NT5E: variants seen among roughly 807,000 people sequenced by gnomAD.
NT5E encodes 5'-nucleotidase ecto.
NT5E carries 53 observed loss-of-function variants against 55.1 expected under a neutral mutation model. The ratio of observed to expected loss-of-function variants is 0.96; its 90% confidence interval spans 0.77 to 1.21. The LOEUF (loss-of-function observed/expected upper bound fraction) is 1.21, where lower values mean the gene tolerates loss of function less well. Among genes scored for constraint, NT5E ranks in the 50% most tolerant of loss-of-function variants. The pLI is 0.00. For missense variants in NT5E, 683 were observed against 724.3 expected (o/e 0.94, Z 0.65); for synonymous variants, 270 against 278.4 (o/e 0.97, Z 0.30).
At chr6:85,454,937 T>C (rs143801909) in intron 1 of NT5E, among the ~76,000 whole-genome samples, 279 of 152,288 alleles carry the variant, frequency 1.8e-3, no homozygotes, top group African/African-American at 6.4e-3. Context: ...GTGAAATGTT[T>C]TGATTCAGTG....
chr6:85,493,907 A>T lies in NT5E; in HGVS notation c.1628A>T (p.Glu543Val). The T allele has an allele frequency of 2.5e-6, 4 of 1,614,086 alleles. No individual in the cohort carries two copies. The highest frequency in any genetic ancestry group is 3.4e-6 in the Non-Finnish European group (4 of 1,179,958). ...ATGAAAGTAATTTATCCAGCAGTTG[A>T]AGGTCGGATCAAGTTTTCCACAGGA... ...SKMKVIYPAV[E>V]GRIKFSTGSH... Residue 543 changes from glutamate to valine, a missense_variant, in exon 9 of 9, where the codon GAA becomes GTA. Physicochemically the swap from Glu to Val is moderately radical, Grantham distance 121. Transcript: ENST00000257770.
At position 85,495,333 on chromosome 6, in the gene NT5E, A is replaced by T. The variant is rs1769868411; in HGVS notation, c.*1329A>T. The T allele has an allele frequency of 6.6e-6, 1 of 152,250 alleles. No individual in the cohort carries two copies. The highest frequency in any genetic ancestry group is 2.4e-5 in the African/African-American group (1 of 41,462). The allele number at this position is 152,250 out of a possible 1,614,324, so 9.4% of individuals were successfully genotyped here. A position where few individuals can be genotyped will look rare whatever the true frequency, so the allele number is the denominator to read the frequency against. On this transcript the variant is annotated 3_prime_UTR_variant, in exon 9 of 9. Coordinates refer to ENST00000257770, the MANE Select transcript of NT5E (RefSeq NM_002526.4). Reference sequence around the variant, plus strand: ...AAATACTTAACGTGGGAGTGGAACCACATGAGCCTGCTCAGCTCTGCATAA... The same window carrying T: ...AAATACTTAACGTGGGAGTGGAACCTCATGAGCCTGCTCAGCTCTGCATAA...
rs1306032689 is a variant in NT5E at position 85,495,113 on chromosome 6, G to T, written c.*1109G>T. 2 of 152,206 alleles carry T rather than the reference G, an allele frequency of 1.3e-5. No individual in the cohort carries two copies. Among genetic ancestry groups the T allele is most frequent in the African/African-American group, 4.8e-5 (2 of 41,452 alleles). 9.4% of individuals were successfully genotyped at this position (152,206 alleles called of 1,614,324 possible). A position where few individuals can be genotyped will look rare whatever the true frequency, so the allele number is the denominator to read the frequency against. On this transcript the variant is annotated 3_prime_UTR_variant, in exon 9 of 9. Coordinates refer to ENST00000257770, the MANE Select transcript of NT5E (RefSeq NM_002526.4). ...CATACTACACACCCAGTTATGGAAT[G>T]TCCAGAGTTCTCGAAGAAAATAAAT...
rs760361682 is a variant in NT5E, at chr6:85,494,028, T to C, written c.*24T>C. The C allele has an allele frequency of 6.0e-5, 96 of 1,611,538 alleles. No individual in the cohort carries two copies. Among genetic ancestry groups the C allele is most frequent in the Non-Finnish European group, 7.4e-5 (87 of 1,178,270 alleles). ...AGCCAAAAATTCTCCTTGCCTTTAA[T>C]GTGTGAAACTGCATTTTTTCAAGTG... On this transcript the variant is annotated 3_prime_UTR_variant, in exon 9 of 9. Transcript: ENST00000257770.
rs761050251 is a variant in NT5E at position 85,487,489 on chromosome 6, G to A, written c.1104G>A (p.Met368Ile). ...TGGGCAACCTGATTTGTGATGCAAT[G>A]GTAAGTCATCAGCAGGAGTGGACAT... ...CNMGNLICDA[M>I]INNNLRHTDE... Residue 368 changes from methionine (M) to isoleucine (I), a missense_variant and splice_region_variant, in exon 5 of 9, where the codon ATG becomes ATA. Physicochemically the swap from Met to Ile is conservative, Grantham distance 10. Transcript: ENST00000257770. 1.2e-6 allele frequency: 2 copies of A among 1,614,174 alleles called. No homozygotes were observed. Among genetic ancestry groups the A allele is most frequent in the Non-Finnish European group, 1.7e-6 (2 of 1,180,014 alleles).
At chr6:85,491,470 T>C in intron 7 of NT5E, 1 of 299,524 alleles carries the variant, frequency 3.3e-6, no homozygotes, top group Non-Finnish European at 6.5e-6. Context: ...CTAATGCCTA[T>C]GGGGCAACCC....
intron 4 of NT5E, among the ~76,000 whole-genome samples, chr6:85,485,654 A>G (rs1029556240): frequency 1.3e-5 from 2 of 152,202 alleles, no homozygotes; most frequent in African/African-American, 4.8e-5. Context: ...ATCAGATTCC[A>G]TACATCACTG....
intron 8 of NT5E, among the ~76,000 whole-genome samples, chr6:85,493,272 A>G (rs1457612686): frequency 1.3e-5 from 2 of 152,188 alleles, no homozygotes; most frequent in East Asian, 3.9e-4. Context: ...GTACACCCAG[A>G]GGTGAAAACC....
intron 1 of NT5E, among the ~76,000 whole-genome samples, chr6:85,466,321 G>A (rs1287108737): frequency 6.6e-6 from 1 of 152,184 alleles, no homozygotes; most frequent in Non-Finnish European, 1.5e-5. Context: ...TGCTCCTCCT[G>A]AAGCCCTGCG....
chr6:85,464,166 C>T (rs891966848), intron 1 of NT5E, among the ~76,000 whole-genome samples: 2 of 148,994 alleles, frequency 1.3e-5, no homozygotes, highest in Admixed American at 6.8e-5. Context: ...GGAATCAAAC[C>T]GAAGTGGTTC....
intron 2 of NT5E, among the ~76,000 whole-genome samples, chr6:85,470,320 G>C (rs987855961): frequency 6.6e-6 from 1 of 152,158 alleles, no homozygotes; most frequent in Admixed American, 6.5e-5. Context: ...AAAGGCTATC[G>C]TTTGTTACCA....
In NT5E at chr6:85,463,651, T is replaced by A. The variant is rs146848876; in HGVS notation, c.340-3409T>A. 7.7e-3 allele frequency among the ~76,000 whole-genome samples: 1,180 copies of A among 152,326 alleles called. 14 individuals carry two copies. Among genetic ancestry groups the A allele is most frequent in the African/African-American group, 0.026 (1,101 of 41,564 alleles). On this transcript the variant is annotated intron_variant, in intron 1 of 8. Coordinates refer to ENST00000257770, the MANE Select transcript of NT5E (RefSeq NM_002526.4). ...TCTCTTGGGCAGTCTTTTCCTGAGA[T>A]GTTTTCATGTTATTAATCAAAAATA...
At chr6:85,469,891 T>A (rs1183901344) in intron 2 of NT5E, among the ~76,000 whole-genome samples, 2 of 152,152 alleles carry the variant, frequency 1.3e-5, no homozygotes, top group South Asian at 4.1e-4. Flanking sequence ...GATTCAGGAG[T>A]TCCCCTGCTG....
chr6:85,458,511 A>T (rs1769031079), intron 1 of NT5E, among the ~76,000 whole-genome samples: 1 of 152,228 alleles, frequency 6.6e-6, no homozygotes, highest in Admixed American at 6.5e-5. Context: ...TTAACTGAAA[A>T]TTGGAGAGAA....
chr6:85,477,077 G>A lies in NT5E; in HGVS notation c.751+5652G>A, dbSNP rs141681812. On this transcript the variant is annotated intron_variant, in intron 3 of 8. Coordinates refer to ENST00000257770, the MANE Select transcript of NT5E (RefSeq NM_002526.4). The stretch of plus-strand genomic sequence containing the variant: ...CCACTCTCCAACTCTCTTATCACAG[G>A]CCTCCTATCCATAAATCTTTCTCAC... Among the ~76,000 whole-genome samples the A allele has an allele frequency of 1.2e-4, 18 of 152,076 alleles. No homozygotes were observed. In the East Asian group the frequency reaches 3.3e-3, roughly 28 times the overall value.
intron 3 of NT5E, among the ~76,000 whole-genome samples, chr6:85,477,257 G>A (rs576238908): frequency 6.6e-6 from 1 of 152,172 alleles, no homozygotes; most frequent in East Asian, 1.9e-4. Flanking sequence ...ACACATGGAA[G>A]GCAGGTGTCT....
rs148854585 is a variant in NT5E at position 85,450,533 on chromosome 6, G to A, written c.339+55G>A. The A allele has an allele frequency of 1.3e-6, 2 of 1,505,316 alleles. No homozygotes were observed. Among genetic ancestry groups the A allele is most frequent in the African/African-American group, 2.8e-5 (2 of 72,624 alleles). 93.2% of individuals were successfully genotyped at this position (1,505,316 alleles called of 1,614,324 possible). On this transcript the variant is annotated intron_variant, in intron 1 of 8. Coordinates refer to ENST00000257770, the MANE Select transcript of NT5E (RefSeq NM_002526.4). The surrounding 1 kb of genome is among the most constrained non-coding windows in gnomAD (Gnocchi z 4.0). The stretch of plus-strand genomic sequence containing the variant: ...AGTCCCGGACTGAGAGAGGAGCCGG[G>A]CTGGAAAAGCAGCGGATGGCAGAGT...
At position 85,495,284 on chromosome 6, in the gene NT5E, T is replaced by G. The variant is rs1769867265; in HGVS notation, c.*1280T>G. The G allele has an allele frequency of 6.6e-6, 1 of 152,208 alleles. No homozygotes were observed. The highest frequency in any genetic ancestry group is 2.4e-5 in the African/African-American group (1 of 41,458). The allele number at this position is 152,208 out of a possible 1,614,324, so 9.4% of individuals were successfully genotyped here. A position where few individuals can be genotyped will look rare whatever the true frequency, so the allele number is the denominator to read the frequency against. ...GGTGGTCAGAAAATACCCATGCTGATGAAATGACCTATGCCCAAAGAACAA... is the reference window on the plus strand; with the variant it reads ...GGTGGTCAGAAAATACCCATGCTGAGGAAATGACCTATGCCCAAAGAACAA... On this transcript the variant is annotated 3_prime_UTR_variant, in exon 9 of 9. Transcript: ENST00000257770.
At chr6:85,456,804 C>T (rs1029328233) in intron 1 of NT5E, among the ~76,000 whole-genome samples, 2 of 152,134 alleles carry the variant, frequency 1.3e-5, no homozygotes, top group African/African-American at 4.8e-5. Flanking sequence ...AGGGAGTAAA[C>T]GTGGGGGTGA....
Sources: allele counts gnomAD v4.1 joint callset (sites outside exome capture counted in the v4.1 genomes callset), GRCh38; gene constraint gnomAD v4.1.1; non-coding constraint Gnocchi (gnomAD v3.1); transcripts MANE v1.5; gene names NCBI Gene and HGNC (gene_info 2026-07-23, HGNC 2026-07-21).